Variants in SSH2 observed in about 807,000 individuals in gnomAD.
The protein encoded by SSH2 is protein phosphatase Slingshot homolog 2.
A neutral mutation model predicts 135.2 loss-of-function variants in SSH2; 37 were observed. The ratio of observed to expected loss-of-function variants is 0.27; its 90% CI spans 0.21 to 0.36. The LOEUF (loss-of-function observed/expected upper bound fraction) is 0.36. Ranked by LOEUF, SSH2 falls within the 10% of genes least tolerant of loss-of-function variation. The pLI is 1.00. For missense variants in SSH2, 1,408 were observed against 1,765.3 expected (o/e 0.80, Z 3.63); for synonymous variants, 628 against 646.2 (o/e 0.97, Z 0.43).
At chr17:29,674,029 TAG>T (rs2037604764) in intron 8 of SSH2, 1 of 455,090 alleles carries the variant, frequency 2.2e-6, no homozygotes, top group Non-Finnish European at 4.4e-6. Context: ...TCCATAGAAA[TAG>T]AGTTACTAGG....
intron 3 of SSH2, among the ~76,000 whole-genome samples, chr17:29,709,978 G>C (rs955107529): frequency 6.6e-6 from 1 of 152,326 alleles, no homozygotes; most frequent in East Asian, 1.9e-4. Flanking sequence ...ACTTCCTAAA[G>C]TATGACATTT....
intron 1 of SSH2, among the ~76,000 whole-genome samples, chr17:29,885,884 T>C (rs1258843181): frequency 1.3e-5 from 2 of 152,226 alleles, no homozygotes; most frequent in African/African-American, 4.8e-5. Flanking sequence ...ACCATGATTG[T>C]GAGGCCTCCC....
intron 3 of SSH2, among the ~76,000 whole-genome samples, chr17:29,705,244 A>G (rs929040021): frequency 2.0e-5 from 3 of 152,200 alleles, no homozygotes; most frequent in African/African-American, 7.2e-5. Flanking sequence ...CCATGGCACC[A>G]GCATTCCTTA....
At chr17:29,900,050 A>T (rs1045416414) in intron 1 of SSH2, among the ~76,000 whole-genome samples, 1 of 152,208 alleles carries the variant, frequency 6.6e-6, no homozygotes, top group Non-Finnish European at 1.5e-5. Context: ...CCTATTTAAT[A>T]AATGGTGCTG....
chr17:29,799,916 T>G (rs770638586), intron 2 of SSH2, among the ~76,000 whole-genome samples: 7 of 152,318 alleles, frequency 4.6e-5, no homozygotes, highest in Non-Finnish European at 1.0e-4. Context: ...GCATCTAAAC[T>G]AAAAATCTTA....
intron 8 of SSH2, among the ~76,000 whole-genome samples, chr17:29,672,407 C>T (rs1490041769): frequency 6.6e-6 from 1 of 152,100 alleles, no homozygotes; most frequent in African/African-American, 2.4e-5. Flanking sequence ...GGTCCAGGTA[C>T]CTATGGAGCA....
chr17:29,796,212 TGTG>T (rs2042153191), intron 2 of SSH2, among the ~76,000 whole-genome samples: 5 of 152,246 alleles, frequency 3.3e-5, no homozygotes, highest in Non-Finnish European at 7.3e-5. Flanking sequence ...CTTTCTATTA[TGTG>T]ACTACTATCC....
intron 1 of SSH2, among the ~76,000 whole-genome samples, chr17:29,862,063 G>A (rs2065775520): frequency 6.6e-6 from 1 of 152,088 alleles, no homozygotes; most frequent in South Asian, 2.1e-4. Flanking sequence ...GTGATGATTT[G>A]GATTTAATCC....
intron 1 of SSH2, among the ~76,000 whole-genome samples, chr17:29,850,404 A>T (rs1395430615): frequency 6.6e-6 from 1 of 152,172 alleles, no homozygotes; most frequent in Non-Finnish European, 1.5e-5. Flanking sequence ...TAACTACTTC[A>T]TGGCTATCCT....
At chr17:29,659,717 A>T (rs1032715258) in intron 11 of SSH2, among the ~76,000 whole-genome samples, 1 of 152,040 alleles carries the variant, frequency 6.6e-6, no homozygotes, top group Admixed American at 6.6e-5. Context: ...TTTAGTAGAG[A>T]CGGGGTTTCA....
intron 1 of SSH2, among the ~76,000 whole-genome samples, chr17:29,850,080 C>G (rs1343583859): frequency 1.3e-5 from 2 of 149,674 alleles, no homozygotes; most frequent in Non-Finnish European, 3.0e-5. Context: ...ACCCAAGTCC[C>G]CCAACAGGCA....
At chr17:29,737,465 C>T (rs1427432680) in intron 3 of SSH2, among the ~76,000 whole-genome samples, 1 of 152,044 alleles carries the variant, frequency 6.6e-6, no homozygotes, top group East Asian at 1.9e-4. Context: ...TAATGCATTC[C>T]TAGTGCCTAG....
chr17:29,784,126 C>A (rs1419023239), intron 3 of SSH2, among the ~76,000 whole-genome samples: 2 of 146,658 alleles, frequency 1.4e-5, no homozygotes, highest in Non-Finnish European at 3.0e-5. Context: ...GTGGCTCATG[C>A]CTGCAATCCT....
chr17:29,850,344 T>A (rs1421695182), intron 1 of SSH2, among the ~76,000 whole-genome samples: 1 of 152,216 alleles, frequency 6.6e-6, no homozygotes, highest in African/African-American at 2.4e-5. Flanking sequence ...GGATCATTGA[T>A]GCATAAGCTT....
chr17:29,643,273 T>C (rs965914063), intron 14 of SSH2: 27 of 985,232 alleles, frequency 2.7e-5, no homozygotes, highest in South Asian at 4.7e-5. Context: ...TAACACATCA[T>C]AGATTGCAGA....
chr17:29,682,371 A>C (rs2038022304), intron 6 of SSH2, among the ~76,000 whole-genome samples: 1 of 152,218 alleles, frequency 6.6e-6, no homozygotes, highest in Non-Finnish European at 1.5e-5. Context: ...AAGAATGGAA[A>C]ATGTTCTATA....
chr17:29,723,588 G>A (rs1026828231), intron 3 of SSH2, among the ~76,000 whole-genome samples: 4 of 152,190 alleles, frequency 2.6e-5, no homozygotes, highest in African/African-American at 4.8e-5. Context: ...AGGTAACATG[G>A]CAGGAATGGA....
intron 3 of SSH2, among the ~76,000 whole-genome samples, chr17:29,757,701 G>C (rs2041169730): frequency 6.9e-6 from 1 of 144,934 alleles, no homozygotes. Flanking sequence ...GATCAGCCTG[G>C]GCAACAAAGT....
In SSH2 at chr17:29,630,942, C is replaced by T. The variant is rs778253169; in HGVS notation, c.4252G>A (p.Val1418Met). 1.8e-5 allele frequency: 29 copies of T among 1,609,508 alleles called. No individual in the cohort carries two copies. The East Asian group carries it at 2.7e-4, about 15-fold the overall frequency. ...CTGCCGTGTTGCTGACGGGGTGCCACGGCCAGCCCTGGAGCTGGGCATGCA... is the reference window on the plus strand; with the variant it reads ...CTGCCGTGTTGCTGACGGGGTGCCATGGCCAGCCCTGGAGCTGGGCATGCA... Reference protein sequence around the residue: ...QCACPAPGLAVAPRQQHGRTH... With the variant: ...QCACPAPGLAMAPRQQHGRTH... The change falls in exon 16 of 16, where the codon GTG (valine) becomes ATG (methionine). Residue 1418 changes from valine to methionine, a missense_variant. Coordinates refer to ENST00000540801, the MANE Select transcript of SSH2 (RefSeq NM_001282129.2).
Sources: allele counts gnomAD v4.1 joint callset (sites outside exome capture counted in the v4.1 genomes callset), GRCh38; gene constraint gnomAD v4.1.1; transcripts MANE v1.5; gene names NCBI Gene and HGNC (gene_info 2026-07-23, HGNC 2026-07-21).